CASR: variants seen among roughly 807,000 people sequenced by gnomAD.
The protein encoded by CASR is calcium sensing receptor.
In CASR, 23 loss-of-function variants were observed where a neutral mutation model predicts 69.1. That is an observed-to-expected ratio of 0.33 (90% CI 0.24 to 0.47). The LOEUF is 0.47. Among genes scored for constraint, CASR ranks in the 20% least tolerant of loss-of-function variants. CASR has a pLI of 1.00. For missense variants in CASR, 924 were observed against 1,356.1 expected (o/e 0.68, Z 5.00); for synonymous variants, 541 against 544.7 (o/e 0.99, Z 0.10).
intron 1 of CASR, among the ~76,000 whole-genome samples, chr3:122,211,085 A>T (rs111965665): frequency 1.1e-3 from 173 of 152,274 alleles, no homozygotes; most frequent in African/African-American, 3.8e-3. Context: ...ACAAAAATTA[A>T]CTCAAGATGA....
At chr3:122,196,784 G>T (rs942044211) in intron 1 of CASR, among the ~76,000 whole-genome samples, 2 of 152,048 alleles carry the variant, frequency 1.3e-5, no homozygotes, top group African/African-American at 4.8e-5. Context: ...AAAATTGTCT[G>T]CATGTTGTCC....
chr3:122,188,581 T>A (rs2073809628), intron 1 of CASR, among the ~76,000 whole-genome samples: 1 of 152,224 alleles, frequency 6.6e-6, no homozygotes, highest in Non-Finnish European at 1.5e-5. Flanking sequence ...AGTTAATCCA[T>A]ACCAAATATA....
intron 1 of CASR, among the ~76,000 whole-genome samples, chr3:122,192,604 G>A (rs1467929355): frequency 6.6e-6 from 1 of 152,122 alleles, no homozygotes; most frequent in South Asian, 2.1e-4. Flanking sequence ...GACTAATTTT[G>A]AAGTCAAAGC....
chr3:122,281,293 T>C (rs1397844994), intron 5 of CASR, among the ~76,000 whole-genome samples: 3 of 152,240 alleles, frequency 2.0e-5, no homozygotes, highest in Non-Finnish European at 4.4e-5. Flanking sequence ...AATTCGGTTG[T>C]TCTTTTGGGT....
chr3:122,199,688 G>A (rs1449037609), intron 1 of CASR, among the ~76,000 whole-genome samples: 1 of 152,010 alleles, frequency 6.6e-6, no homozygotes, highest in Non-Finnish European at 1.5e-5. Flanking sequence ...GACTGATTTC[G>A]TAGAAGTAAA....
chr3:122,275,665 A>G (rs983793624), intron 4 of CASR, 147 bp from the exon 5 acceptor site: 1 of 710,140 alleles, frequency 1.4e-6, no homozygotes, highest in East Asian at 2.7e-5. Flanking sequence ...TTTGGTGTGA[A>G]TTAGAAAAAG....
rs199513106 is a variant in CASR at position 122,283,796 on chromosome 3, C to A, written c.1842C>A (p.Ile614=). 2 of 1,614,150 alleles carry A rather than the reference C, an allele frequency of 1.2e-6. No homozygotes were observed. Among genetic ancestry groups the A allele is most frequent in the Non-Finnish European group, 1.7e-6 (2 of 1,180,024 alleles). Residue 614 remains isoleucine, a synonymous_variant, in exon 7 of 7, where the codon ATC becomes ATA. Transcript: ENST00000639785. ...EFLSWTEPFG[I]ALTLFAVLGI... is the part of the protein sequence containing the mutation. ...TGTCGTGGACGGAGCCCTTTGGGATCGCACTCACCCTCTTTGCCGTGCTGG... is the reference window on the plus strand; with the variant it reads ...TGTCGTGGACGGAGCCCTTTGGGATAGCACTCACCCTCTTTGCCGTGCTGG...
At chr3:122,204,850 C>T (rs1467458750) in intron 1 of CASR, among the ~76,000 whole-genome samples, 3 of 152,068 alleles carry the variant, frequency 2.0e-5, no homozygotes, top group African/African-American at 4.8e-5. Flanking sequence ...TTTTCATATA[C>T]TTGTCAACCA....
At chr3:122,197,645 C>T (rs1263458281) in intron 1 of CASR, among the ~76,000 whole-genome samples, 2 of 151,962 alleles carry the variant, frequency 1.3e-5, no homozygotes, top group Admixed American at 1.3e-4. Context: ...TTTGTTTGAT[C>T]CAGTGTCAGG....
intron 1 of CASR, among the ~76,000 whole-genome samples, chr3:122,205,952 G>T (rs1460671613): frequency 2.6e-5 from 4 of 151,948 alleles, no homozygotes; most frequent in African/African-American, 9.7e-5. Flanking sequence ...TCATTTGTCA[G>T]TTCTAATAGT....
chr3:122,204,407 A>T lies in CASR; in HGVS notation c.-243+20595A>T, dbSNP rs192237682. Reference sequence around the variant, plus strand: ...CATCCACGTTACAATAAATGACAGGACTTCATTCTTTTTTATGGTTGAATA... The same window carrying T: ...CATCCACGTTACAATAAATGACAGGTCTTCATTCTTTTTTATGGTTGAATA... On this transcript the variant is annotated intron_variant, in intron 1 of 6. Coordinates refer to ENST00000639785, the MANE Select transcript of CASR (RefSeq NM_000388.4). Among the ~76,000 whole-genome samples, 4 of 152,228 alleles carry T rather than the reference A, an allele frequency of 2.6e-5. No individual in the cohort carries two copies. In the East Asian group the frequency reaches 5.8e-4, roughly 22 times the overall value.
At chr3:122,266,095 G>C (rs998299588) in intron 4 of CASR, among the ~76,000 whole-genome samples, 1 of 152,076 alleles carries the variant, frequency 6.6e-6, no homozygotes, top group Non-Finnish European at 1.5e-5. Context: ...CTGTATAAGA[G>C]CTGGAAGTCC....
intron 1 of CASR, among the ~76,000 whole-genome samples, chr3:122,243,818 A>G (rs1049007309): frequency 2.6e-5 from 4 of 151,866 alleles, no homozygotes; most frequent in Non-Finnish European, 2.9e-5. Context: ...AATGTGTTAC[A>G]TAAACACAAT....
At chr3:122,193,518 T>C (rs1336157667) in intron 1 of CASR, among the ~76,000 whole-genome samples, 1 of 152,126 alleles carries the variant, frequency 6.6e-6, no homozygotes, top group Non-Finnish European at 1.5e-5. Flanking sequence ...TACCCGGCCC[T>C]ATCCTCTCAT....
At chr3:122,276,247 A>T (rs1215942347) in intron 5 of CASR, among the ~76,000 whole-genome samples, 3 of 152,232 alleles carry the variant, frequency 2.0e-5, no homozygotes. Context: ...CCTGAGCCCC[A>T]TGCCTTCCTA....
rs114140859 is a variant in CASR, at chr3:122,278,491, C to T, written c.1608+2449C>T. 8.3e-3 allele frequency among the ~76,000 whole-genome samples: 1,259 copies of T among 152,294 alleles called. 16 individuals carry two copies. Among genetic ancestry groups the T allele is most frequent in the African/African-American group, 0.028 (1,176 of 41,554 alleles). ...TACAACAAATAAGAAGTAAAAGAGA[C>T]ACCTTAATTAGGGTCTTGGAATTCA... On this transcript the variant is annotated intron_variant, in intron 5 of 6. Transcript: ENST00000639785.
chr3:122,252,065 G>A (rs1169331847), intron 1 of CASR, among the ~76,000 whole-genome samples: 1 of 152,104 alleles, frequency 6.6e-6, no homozygotes, highest in African/African-American at 2.4e-5. Context: ...AGGCCAAGGT[G>A]GGAGGATCAC....
intron 1 of CASR, among the ~76,000 whole-genome samples, chr3:122,219,529 C>A (rs1005272405): frequency 6.6e-6 from 1 of 152,164 alleles, no homozygotes; most frequent in Non-Finnish European, 1.5e-5. Context: ...ACCAAAGTCA[C>A]ATCAGGGTCT....
chr3:122,244,279 A>G (rs558511480), intron 1 of CASR, among the ~76,000 whole-genome samples: 1 of 152,204 alleles, frequency 6.6e-6, no homozygotes, highest in East Asian at 1.9e-4. Flanking sequence ...TTATCAAAAT[A>G]TCTCAGGTAC....
Sources: allele counts gnomAD v4.1 joint callset (sites outside exome capture counted in the v4.1 genomes callset), GRCh38; gene constraint gnomAD v4.1.1; transcripts MANE v1.5; gene names NCBI Gene and HGNC (gene_info 2026-07-23, HGNC 2026-07-21).